The following EVX1 variants were observed in gnomAD, a reference collection of about 807,000 sequenced individuals.
EVX1 encodes the protein even-skipped homeobox 1, also known as homeobox even-skipped homolog protein 1.
EVX1 carries 19 observed loss-of-function variants against 28.6 expected under a neutral mutation model. The observed-to-expected ratio is 0.67, with a 90% confidence interval of 0.46 to 0.98. The LOEUF is 0.98. Among genes scored for constraint, EVX1 ranks in the 50% least tolerant of loss-of-function variants. The probability of loss-of-function intolerance (pLI) is 0.00; values close to 1 mark genes in which losing one functional copy is unlikely to be tolerated. For missense variants in EVX1, 660 were observed against 583.0 expected, an observed-to-expected ratio of 1.13 and a Z score of -1.36; for synonymous variants, 324 against 278.2, an observed-to-expected ratio of 1.16 and a Z score of -1.64.
intron 1 of EVX1, chr7:27,244,319 C>A: frequency 5.8e-6 from 1 of 173,008 alleles, no homozygotes; most frequent in Non-Finnish European, 1.1e-5. Flanking sequence ...GGGGAGCCCA[C>A]CAGCAGACAC....
In EVX1 at chr7:27,247,784, A is replaced by C. The variant is rs1359243859; in HGVS notation, c.*1359A>C. 1 of 152,224 alleles carries C rather than the reference A, an allele frequency of 6.6e-6. No individual in the cohort carries two copies. The highest frequency in any genetic ancestry group is 1.5e-5 in the Non-Finnish European group (1 of 68,034). 9.4% of individuals were successfully genotyped at this position (152,224 alleles called of 1,614,324 possible). On this transcript the variant is annotated 3_prime_UTR_variant, in exon 3 of 3. Coordinates refer to ENST00000496902, the MANE Select transcript of EVX1 (RefSeq NM_001989.5). ...GAAGCCCAAAGAACTTGCTGTTATG[A>C]TTCGTTAACCATATTGCAATAAAAG...
intron 2 of EVX1, 93 bp downstream of exon 2, chr7:27,245,397 C>A: frequency 6.5e-7 from 1 of 1,546,964 alleles, no homozygotes; most frequent in Non-Finnish European, 8.8e-7. Context: ...GGCCAGGAAT[C>A]TGGGCCTGGG....
Position 27,243,461 on chromosome 7 carries a change from G to A in EVX1, c.427+4G>A. ...GCCGAGTACCAGCACAGCAAAGGTA[G>A]CCACCGTGCCCCTCCGCTCCCCGGG... On this transcript the variant is annotated splice_donor_region_variant and intron_variant, in intron 1 of 2. Coordinates refer to ENST00000496902, the MANE Select transcript of EVX1 (RefSeq NM_001989.5). The A allele has an allele frequency of 6.3e-7, 1 of 1,577,084 alleles. No homozygotes were observed. The highest frequency in any genetic ancestry group is 8.6e-7 in the Non-Finnish European group (1 of 1,163,626).
At position 27,245,058 on chromosome 7, in the gene EVX1, C is replaced by G. The variant is rs774667450; in HGVS notation, c.438C>G (p.Ser146=). 1 of 1,610,584 alleles carries G rather than the reference C, an allele frequency of 6.2e-7. No homozygotes were observed. Among genetic ancestry groups the G allele is most frequent in the Admixed American group, 1.7e-5 (1 of 59,982 alleles). The part of the protein sequence containing the change: ...AEYQHSKGSG[S]EALVGSPNGG... ...GGACTCGCTGTGCAGGGTCCGGCTCCGAGGCGCTGGTCGGCAGTCCGAACG... is the reference window on the plus strand; with the variant it reads ...GGACTCGCTGTGCAGGGTCCGGCTCGGAGGCGCTGGTCGGCAGTCCGAACG... Residue 146 remains serine, a synonymous_variant, in exon 2 of 3, where the codon TCC becomes TCG. Transcript: ENST00000496902.
Position 27,245,987 on chromosome 7 carries a change from T to TGCG in EVX1, c.792_794dup (p.Ala266dup), listed in dbSNP as rs768971163. 1.2e-6 allele frequency: 2 copies of TGCG among 1,604,132 alleles called. No individual in the cohort carries two copies. The highest frequency in any genetic ancestry group is 1.7e-5 in the Admixed American group (1 of 59,996). On this transcript the variant is annotated inframe_insertion, in exon 3 of 3. Coordinates refer to ENST00000496902, the MANE Select transcript of EVX1 (RefSeq NM_001989.5). ...CCTTCTACACTTACATGATGAGCCATGCGGCGGCCGCGGGCGGCCTGCCCT... is the reference window on the plus strand; with the variant it reads ...CCTTCTACACTTACATGATGAGCCATGCGGCGGCGGCCGCGGGCGGCCTGCCCT...
chr7:27,246,028 A>G lies in EVX1; in HGVS notation c.827A>G (p.His276Arg), dbSNP rs763514585. Residue 276 changes from histidine to arginine, a missense_variant, in exon 3 of 3, where the codon CAC becomes CGC. His to Arg is a conservative substitution (Grantham distance 29, BLOSUM62 0). Transcript: ENST00000496902. ...AGGLPYPFPSHLPLPYYSPVG... is the reference protein window; with the variant it reads ...AGGLPYPFPSRLPLPYYSPVG... ...GGCCTGCCCTACCCCTTCCCATCGC[A>G]CCTGCCCCTGCCCTACTACTCGCCG... is the stretch of plus-strand genomic sequence containing the variant. The G allele has an allele frequency of 1.9e-6, 3 of 1,597,288 alleles. No homozygotes were observed. The highest frequency in any genetic ancestry group is 2.5e-6 in the Non-Finnish European group (3 of 1,178,894).
Position 27,245,092 on chromosome 7 carries a change from G to A in EVX1, c.472G>A (p.Glu158Lys). Reference protein sequence around the residue: ...ALVGSPNGGSETPKSNGGSGG... With the variant: ...ALVGSPNGGSKTPKSNGGSGG... ...GGTCGGCAGTCCGAACGGAGGGAGC[G>A]AGACCCCCAAGAGCAACGGCGGCAG... The change falls in exon 2 of 3, where the codon GAG (glutamate) becomes AAG (lysine). Residue 158 changes from glutamate to lysine, a missense_variant. Transcript: ENST00000496902. 1 of 1,612,982 alleles carries A rather than the reference G, an allele frequency of 6.2e-7. No individual in the cohort carries two copies. Among genetic ancestry groups the A allele is most frequent in the African/African-American group, 1.3e-5 (1 of 75,068 alleles).
chr7:27,245,744 G>A, intron 2 of EVX1, 142 bp from the exon 3 acceptor site: 5 of 1,119,316 alleles, frequency 4.5e-6, no homozygotes, highest in South Asian at 1.6e-5. Flanking sequence ...AGGTGGTGGT[G>A]GTGGGGTCGG....
rs377506546 is a variant in EVX1 at position 27,243,850 on chromosome 7, G to A, written c.427+393G>A. ...TGGCTGGCAGGGTGTAAGAGGCATG[G>A]AGGCGCGGAAGCCAGGAGTCCATAA... On this transcript the variant is annotated intron_variant, in intron 1 of 2. Coordinates refer to ENST00000496902, the MANE Select transcript of EVX1 (RefSeq NM_001989.5). 2.8e-3 allele frequency: 476 copies of A among 172,596 alleles called. 7 individuals carry two copies. Among genetic ancestry groups the A allele is most frequent in the African/African-American group, 0.011 (457 of 42,238 alleles). The allele number at this position is 172,596 out of a possible 1,614,324, so 10.7% of individuals were successfully genotyped here. A position where few individuals can be genotyped will look rare whatever the true frequency, so the allele number is the denominator to read the frequency against.
Position 27,245,343 on chromosome 7 carries a change from A to G in EVX1, c.684+39A>G, listed in dbSNP as rs367725882. On this transcript the variant is annotated intron_variant, in intron 2 of 2. Coordinates refer to ENST00000496902, the MANE Select transcript of EVX1 (RefSeq NM_001989.5). ...AGGCTGGGGAGGCGGGTGTGCACCT[A>G]TTTAGCGGGAAGTAAATGCCAACTG... 893 of 1,603,620 alleles carry G rather than the reference A, an allele frequency of 5.6e-4. 11 individuals are homozygous for G. The South Asian group carries it at 8.9e-3, about 16-fold the overall frequency.
chr7:27,244,531 A>G (rs914138588), intron 1 of EVX1: 47 of 984,730 alleles, frequency 4.8e-5, no homozygotes, highest in Non-Finnish European at 5.6e-5. Flanking sequence ...AATAAATAAG[A>G]TACTCAACAT....
At position 27,243,130 on chromosome 7, in the gene EVX1, C is replaced by A. The variant is rs746435461; in HGVS notation, c.100C>A (p.Pro34Thr). 1 of 1,609,344 alleles carries A rather than the reference C, an allele frequency of 6.2e-7. No homozygotes were observed. The highest frequency in any genetic ancestry group is 1.1e-5 in the South Asian group (1 of 89,932). The change falls in exon 1 of 3, where the codon CCG (proline) becomes ACG (threonine). Residue 34 changes from proline (P) to threonine (T), a missense_variant. By Grantham distance (38) the Pro-to-Thr change is conservative. Around this residue, in one of 3 missense-constraint regions of EVX1, gnomAD observed 308 missense variants for 256.6 expected, o/e 1.20. Coordinates refer to ENST00000496902, the MANE Select transcript of EVX1 (RefSeq NM_001989.5). ...AAATTTGTCCGAAGCCGTGGGCAGCCCGCTGCCGGAGCCGCCCGAGAAAAT... is the reference window on the plus strand; with the variant it reads ...AAATTTGTCCGAAGCCGTGGGCAGCACGCTGCCGGAGCCGCCCGAGAAAAT... Reference protein sequence around the residue: ...VSNLSEAVGSPLPEPPEKMVP... With the variant: ...VSNLSEAVGSTLPEPPEKMVP...
In EVX1 at chr7:27,243,426, C is replaced by A. The variant is rs1003718445; in HGVS notation, c.396C>A (p.Ala132=). The stretch of plus-strand genomic sequence containing the variant: ...AGGTGAGCTGCACCCCGGACTGCGC[C>A]ACCGGGAACGCCGAGTACCAGCACA... ...EIEVSCTPDC[A]TGNAEYQHSK... The change falls in exon 1 of 3, where the codon GCC becomes GCA. Residue 132 remains alanine, a synonymous_variant. Coordinates refer to ENST00000496902, the MANE Select transcript of EVX1 (RefSeq NM_001989.5). 1 of 1,608,264 alleles carries A rather than the reference C, an allele frequency of 6.2e-7. No homozygotes were observed. The highest frequency in any genetic ancestry group is 8.5e-7 in the Non-Finnish European group (1 of 1,178,130).
rs555944279 is a variant in EVX1 at position 27,246,231 on chromosome 7, G to T, written c.1030G>T (p.Gly344Cys). 16 of 1,519,022 alleles carry T rather than the reference G, an allele frequency of 1.1e-5. No individual in the cohort carries two copies. The highest frequency in any genetic ancestry group is 1.3e-5 in the Non-Finnish European group (15 of 1,142,244). The allele number at this position is 1,519,022 out of a possible 1,614,324, so 94.1% of individuals were successfully genotyped here. A position where few individuals can be genotyped will look rare whatever the true frequency, so the allele number is the denominator to read the frequency against. ...CGCGCACGGACTGGGCGCCTCTGCCGGCGGCCCCTGCTCCTGCCTCGCCTG... is the reference window on the plus strand; with the variant it reads ...CGCGCACGGACTGGGCGCCTCTGCCTGCGGCCCCTGCTCCTGCCTCGCCTG... ...GPAHGLGASA[G>C]GPCSCLACHS... Residue 344 changes from glycine to cysteine, a missense_variant, in exon 3 of 3, where the codon GGC becomes TGC. Coordinates refer to ENST00000496902, the MANE Select transcript of EVX1 (RefSeq NM_001989.5).
Position 27,245,051 on chromosome 7 carries a change from C to G in EVX1, c.431C>G (p.Ser144Cys). 1 of 1,609,582 alleles carries G rather than the reference C, an allele frequency of 6.2e-7. No individual in the cohort carries two copies. Among genetic ancestry groups the G allele is most frequent in the Non-Finnish European group, 8.5e-7 (1 of 1,179,622 alleles). The change falls in exon 2 of 3, where the codon TCC becomes TGC. Residue 144 changes from serine to cysteine, a missense_variant. Ser to Cys is a moderately radical substitution (Grantham distance 112). Coordinates refer to ENST00000496902, the MANE Select transcript of EVX1 (RefSeq NM_001989.5). Reference sequence around the variant, plus strand: ...GTGCTCTGGACTCGCTGTGCAGGGTCCGGCTCCGAGGCGCTGGTCGGCAGT... The same window carrying G: ...GTGCTCTGGACTCGCTGTGCAGGGTGCGGCTCCGAGGCGCTGGTCGGCAGT... The part of the protein sequence containing the change: ...GNAEYQHSKG[S>C]GSEALVGSPN...
rs1258224059 is a variant in EVX1, at chr7:27,246,146, G to A, written c.945G>A (p.Gln315=). ...TCGACACGTTCCGCGTGCTGTCGCA[G>A]CCCTACCCGCGGCCCGAACTGCTGT... ...RPLDTFRVLS[Q]PYPRPELLCA... is the part of the protein sequence containing the mutation. Residue 315 remains glutamine, a synonymous_variant, in exon 3 of 3, where the codon CAG becomes CAA. Transcript: ENST00000496902. 1.3e-5 allele frequency: 19 copies of A among 1,514,380 alleles called. No individual in the cohort carries two copies. The highest frequency in any genetic ancestry group is 2.0e-4 in the Middle Eastern group (1 of 4,910). The allele number at this position is 1,514,380 out of a possible 1,614,324, so 93.8% of individuals were successfully genotyped here.
In EVX1 at chr7:27,246,191, G is replaced by A. The variant is rs1483542964; in HGVS notation, c.990G>A (p.Pro330=). 4 of 1,494,906 alleles carry A rather than the reference G, an allele frequency of 2.7e-6. No homozygotes were observed. The highest frequency in any genetic ancestry group is 3.5e-6 in the Non-Finnish European group (4 of 1,132,226). The allele number at this position is 1,494,906 out of a possible 1,614,324, so 92.6% of individuals were successfully genotyped here. ...TGCTGTGCGCCTTCCGCCACCCGCCGCTCTACCCCGGGCCCGCGCACGGAC... is the reference window on the plus strand; with the variant it reads ...TGCTGTGCGCCTTCCGCCACCCGCCACTCTACCCCGGGCCCGCGCACGGAC... ...PELLCAFRHP[P]LYPGPAHGLG... is the part of the protein sequence containing the mutation. The change falls in exon 3 of 3, where the codon CCG becomes CCA. Residue 330 remains proline, a synonymous_variant. Transcript: ENST00000496902.
At chr7:27,243,641 C>T in intron 1 of EVX1, 184 bp downstream of exon 1, 1 of 637,926 alleles carries the variant, frequency 1.6e-6, no homozygotes, top group African/African-American at 1.9e-5. Flanking sequence ...ATTGGCGGGA[C>T]TGAGGGTGAC....
chr7:27,245,768 G>C, intron 2 of EVX1, 118 bp from the exon 3 acceptor site: 1 of 1,384,406 alleles, frequency 7.2e-7, no homozygotes. Context: ...CTACCCGGCT[G>C]GTGTCTGCTT....
Sources: allele counts gnomAD v4.1 joint callset, GRCh38; gene constraint gnomAD v4.1.1; regional missense constraint gnomAD v4.1.1; transcripts MANE v1.5; gene names NCBI Gene and HGNC (gene_info 2026-07-23, HGNC 2026-07-21).